CAP2: variants seen among roughly 807,000 people sequenced by gnomAD.
The protein encoded by CAP2 is adenylyl cyclase-associated protein 2.
Under a neutral mutation model 57.7 loss-of-function variants are expected in CAP2, and 24 were observed. The ratio of observed to expected loss-of-function variants is 0.42; its 90% CI spans 0.30 to 0.58. CAP2 has a LOEUF of 0.58. Among genes scored for constraint, CAP2 ranks in the 20% least tolerant of loss-of-function variants. CAP2 has a pLI of 0.22. For synonymous variants in CAP2, 194 were observed against 207.2 expected, an observed-to-expected ratio of 0.94 and a Z score of 0.55; for missense variants, 501 against 590.3, an observed-to-expected ratio of 0.85 and a Z score of 1.57.
At chr6:17,472,524 T>G (rs1189177362) in intron 4 of CAP2, among the ~76,000 whole-genome samples, 1 of 152,250 alleles carries the variant, frequency 6.6e-6, no homozygotes, top group African/African-American at 2.4e-5. Flanking sequence ...CTTACAAGAT[T>G]GCTTTTATGT....
chr6:17,397,150 C>T lies in CAP2; in HGVS notation c.-2+3404C>T, dbSNP rs537418977. ...TCTCAGCTCACTACAACCTCCGCCTCTCAGGTTCAAGAGATGCTCCCGCCT... is the reference window on the plus strand; with the variant it reads ...TCTCAGCTCACTACAACCTCCGCCTTTCAGGTTCAAGAGATGCTCCCGCCT... On this transcript the variant is annotated intron_variant, in intron 1 of 12. Transcript: ENST00000229922. Among the ~76,000 whole-genome samples, 25 of 152,192 alleles carry T rather than the reference C, an allele frequency of 1.6e-4. No individual in the cohort carries two copies. In the East Asian group the frequency reaches 4.3e-3, roughly 26 times the overall value.
intron 11 of CAP2, among the ~76,000 whole-genome samples, chr6:17,549,444 A>G (rs1413734552): frequency 6.6e-6 from 1 of 152,170 alleles, no homozygotes; most frequent in Non-Finnish European, 1.5e-5. Context: ...AGCCTGGGCA[A>G]CAAGAGCGAA....
chr6:17,433,924 C>T (rs73369406), intron 3 of CAP2, among the ~76,000 whole-genome samples: 12,846 of 152,150 alleles, frequency 0.084, 1,821 homozygotes, highest in African/African-American at 0.29. Flanking sequence ...CACAAACACA[C>T]TTAGAGCTTT....
At chr6:17,485,821 C>T (rs954987393) in intron 4 of CAP2, among the ~76,000 whole-genome samples, 1 of 152,194 alleles carries the variant, frequency 6.6e-6, no homozygotes, top group African/African-American at 2.4e-5. Context: ...CTCAAACTAC[C>T]TCTCCATGGC....
rs3075209 is a variant in CAP2 at position 17,496,027 on chromosome 6, T to TGGCGGGG, written c.301-11140_301-11139insCGGGGGG. On this transcript the variant is annotated intron_variant, in intron 4 of 12. Coordinates refer to ENST00000229922, the MANE Select transcript of CAP2 (RefSeq NM_006366.3). ...CAACTGCTGTGCATGCGTGTGTGGGTGGGGGGGGGGGGTAAGTCAGGGAAA... is the reference window on the plus strand; with the variant it reads ...CAACTGCTGTGCATGCGTGTGTGGGTGGCGGGGGGGGGGGGGGGGTAAGTCAGGGAAA... Among the ~76,000 whole-genome samples, 242 of 44,282 alleles carry TGGCGGGG rather than the reference T, an allele frequency of 5.5e-3. 7 individuals carry two copies. The highest frequency in any genetic ancestry group is 0.023 in the African/African-American group (181 of 7,906). 29.1% of individuals were successfully genotyped at this position (44,282 alleles called of 152,430 possible).
chr6:17,496,030 G>GGGGGGGC (rs1761659612), intron 4 of CAP2, among the ~76,000 whole-genome samples: 6 of 41,182 alleles, frequency 1.5e-4, no homozygotes, highest in African/African-American at 3.4e-4. Flanking sequence ...GTGTGGGTGG[G>GGGGGGGC]GGGGGGGGGT....
At chr6:17,493,902 C>G (rs773171373) in intron 4 of CAP2, among the ~76,000 whole-genome samples, 1 of 152,088 alleles carries the variant, frequency 6.6e-6, no homozygotes, top group African/African-American at 2.4e-5. Flanking sequence ...CTGGTCTTTG[C>G]GCTAAAGCCT....
At chr6:17,424,842 T>C (rs1759546013) in intron 2 of CAP2, among the ~76,000 whole-genome samples, 1 of 152,272 alleles carries the variant, frequency 6.6e-6, no homozygotes, top group Admixed American at 6.5e-5. Context: ...TCTGTCACTT[T>C]TCTGAAACTT....
At chr6:17,537,531 A>G (rs148592828) in intron 7 of CAP2, among the ~76,000 whole-genome samples, 3 of 151,910 alleles carry the variant, frequency 2.0e-5, no homozygotes, top group Admixed American at 6.6e-5. Flanking sequence ...TTAACTGAAA[A>G]CTACTACAGA....
At chr6:17,397,306 G>A (rs13208162) in intron 1 of CAP2, among the ~76,000 whole-genome samples, 38,017 of 151,788 alleles carry the variant, frequency 0.25, 4,950 homozygotes, top group South Asian at 0.35. Flanking sequence ...GTAATCTGCC[G>A]TTCTCGGCCT....
intron 4 of CAP2, among the ~76,000 whole-genome samples, chr6:17,500,657 T>C (rs1761796511): frequency 6.6e-6 from 1 of 152,084 alleles, no homozygotes; most frequent in African/African-American, 2.4e-5. Context: ...ACAGCCCCTA[T>C]GTGAAATATT....
intron 1 of CAP2, among the ~76,000 whole-genome samples, chr6:17,413,264 C>T (rs1361184363): frequency 1.3e-5 from 2 of 152,156 alleles, no homozygotes; most frequent in Non-Finnish European, 2.9e-5. Flanking sequence ...CTCAGCTATT[C>T]TGATTACACC....
At chr6:17,539,150 C>G in intron 7 of CAP2, 119 bp from the exon 8 acceptor site, 1 of 871,150 alleles carries the variant, frequency 1.1e-6, no homozygotes, top group East Asian at 2.4e-5. Flanking sequence ...CCTCTGGGAG[C>G]CTTTGCTCAG....
chr6:17,539,453 CA>C lies in CAP2; in HGVS notation c.825del (p.Leu277SerfsTer68). On this transcript the variant is annotated frameshift_variant, in exon 8 of 13. Transcript: ENST00000229922. LOFTEE classifies it high-confidence loss of function. ...FAQLNQGEAI[T>X]KGLRHVTDDQ... ...CAACTTAACCAGGGAGAAGCAATTA[CA>C]AAAGGTGAGAGAGAAAAGAAGACCT... 6.2e-7 allele frequency: 1 copy of C among 1,613,122 alleles called. No homozygotes were observed. The highest frequency in any genetic ancestry group is 8.5e-7 in the Non-Finnish European group (1 of 1,179,210).
intron 4 of CAP2, among the ~76,000 whole-genome samples, chr6:17,496,575 C>T (rs1452031514): frequency 6.6e-6 from 1 of 152,096 alleles, no homozygotes; most frequent in Non-Finnish European, 1.5e-5. Flanking sequence ...ATCTGCCCAC[C>T]TCAGCCTCCC....
At chr6:17,431,621 A>G (rs1050114532) in intron 3 of CAP2, among the ~76,000 whole-genome samples, 2 of 152,190 alleles carry the variant, frequency 1.3e-5, no homozygotes, top group African/African-American at 4.8e-5. Flanking sequence ...TGTTCAGTTA[A>G]TGAGTTCAAA....
intron 3 of CAP2, among the ~76,000 whole-genome samples, chr6:17,454,898 T>C (rs886135891): frequency 6.6e-5 from 10 of 152,196 alleles, no homozygotes; most frequent in Admixed American, 5.9e-4. Flanking sequence ...CAGAGAGCTT[T>C]ATTTTTTCTA....
At chr6:17,469,062 GA>G (rs1760948196) in intron 4 of CAP2, among the ~76,000 whole-genome samples, 1 of 152,360 alleles carries the variant, frequency 6.6e-6, no homozygotes, top group South Asian at 2.1e-4. Context: ...GGAGAGATGA[GA>G]AAACAAGAGT....
intron 3 of CAP2, among the ~76,000 whole-genome samples, chr6:17,428,637 G>A (rs958217646): frequency 7.2e-6 from 1 of 139,712 alleles, no homozygotes; most frequent in Non-Finnish European, 1.6e-5. Flanking sequence ...GATGGGGGGA[G>A]GGGGGAGGGA....
Sources: allele counts gnomAD v4.1 joint callset (sites outside exome capture counted in the v4.1 genomes callset), GRCh38; gene constraint gnomAD v4.1.1; transcripts MANE v1.5; gene names NCBI Gene and HGNC (gene_info 2026-07-23, HGNC 2026-07-21).